NINL: variants seen among roughly 807,000 people sequenced by gnomAD.
NINL encodes the protein ninein like.
NINL carries 153 observed loss-of-function variants against 160.3 expected under a neutral mutation model. The ratio of observed to expected loss-of-function variants is 0.95; its 90% CI spans 0.84 to 1.09. The LOEUF is 1.09. Among genes scored for constraint, NINL ranks in the 50% least tolerant of loss-of-function variants. The pLI is 0.00. For synonymous variants in NINL, 800 were observed against 734.8 expected (o/e 1.09, Z -1.43); for missense variants, 1,829 against 1,764.0 (o/e 1.04, Z -0.66).
intron 13 of NINL, among the ~76,000 whole-genome samples, chr20:25,482,581 C>A (rs1381861487): frequency 6.6e-6 from 1 of 151,802 alleles, no homozygotes; most frequent in Non-Finnish European, 1.5e-5. Flanking sequence ...GAACTCCTGG[C>A]CTCAAGTGAT....
At chr20:25,531,352 C>T (rs529095738) in intron 1 of NINL, among the ~76,000 whole-genome samples, 4 of 152,234 alleles carry the variant, frequency 2.6e-5, no homozygotes, top group East Asian at 1.9e-4. Context: ...GCGACATACA[C>T]CCTCCTCAGC....
chr20:25,505,068 C>A lies in NINL; in HGVS notation c.528G>T (p.Gln176His). The A allele has an allele frequency of 6.3e-7, 1 of 1,591,762 alleles. No homozygotes were observed. The highest frequency in any genetic ancestry group is 8.6e-7 in the Non-Finnish European group (1 of 1,168,196). The change falls in exon 6 of 24, where the codon CAG becomes CAT. Residue 176 changes from glutamine to histidine, a missense_variant. Transcript: ENST00000278886. ...NELFEAQGQLQTWDSEDFGSP... is the reference protein window; with the variant it reads ...NELFEAQGQLHTWDSEDFGSP... ...TCCCAAAGTCCTCAGAATCCCAGGT[C>A]TGCAGCTGTCCTGAAGCAAGGGAGG...
At position 25,517,869 on chromosome 20, in the gene NINL, G is replaced by C; in HGVS notation, c.181-20C>G. 3 of 1,523,964 alleles carry C rather than the reference G, an allele frequency of 2.0e-6. No homozygotes were observed. In the South Asian group the frequency reaches 3.6e-5, roughly 18 times the overall value. The allele number at this position is 1,523,964 out of a possible 1,614,324, so 94.4% of individuals were successfully genotyped here. The stretch of plus-strand genomic sequence containing the variant: ...GTTAACCTGGGTGAATTGAAGGTGA[G>C]AGAGGACAATGTCACTTTCAACAGA... On this transcript the variant is annotated intron_variant, in intron 2 of 23. Transcript: ENST00000278886.
rs542205669 is a variant in NINL at position 25,585,444 on chromosome 20, G to C, written c.-12+11C>G. 2.1e-3 allele frequency: 323 copies of C among 152,282 alleles called. 1 individual carries two copies. Among genetic ancestry groups the C allele is most frequent in the African/African-American group, 7.1e-3 (293 of 41,540 alleles). 9.4% of individuals were successfully genotyped at this position (152,282 alleles called of 1,614,324 possible). On this transcript the variant is annotated intron_variant, in intron 1 of 23. Transcript: ENST00000278886. ...GCCTGAATGTCCCGCCGGACGCCCG[G>C]GCCGGCTCACCTGGGAGGCGCCTCC...
At chr20:25,560,342 G>C (rs1197049407) in intron 1 of NINL, among the ~76,000 whole-genome samples, 1 of 152,182 alleles carries the variant, frequency 6.6e-6, no homozygotes, top group Non-Finnish European at 1.5e-5. Context: ...TATAATGAGG[G>C]GGAGTAACTA....
At chr20:25,467,126 G>T (rs1035959442) in intron 19 of NINL, among the ~76,000 whole-genome samples, 2 of 152,194 alleles carry the variant, frequency 1.3e-5, no homozygotes, top group South Asian at 4.1e-4. Context: ...AAGGGACCCT[G>T]CAGGGGATGC....
chr20:25,497,690 G>A (rs1012052145), intron 9 of NINL, among the ~76,000 whole-genome samples: 2 of 152,226 alleles, frequency 1.3e-5, no homozygotes, highest in African/African-American at 2.4e-5. Context: ...TTGTGACCAC[G>A]TTTGAAAAGC....
intron 1 of NINL, among the ~76,000 whole-genome samples, chr20:25,538,312 C>A (rs1237242868): frequency 1.3e-5 from 2 of 152,162 alleles, no homozygotes; most frequent in Non-Finnish European, 2.9e-5. Context: ...GGCCTGTGGT[C>A]CTATGAAAAG....
At chr20:25,578,111 C>T (rs922998856) in intron 1 of NINL, among the ~76,000 whole-genome samples, 207 of 150,102 alleles carry the variant, frequency 1.4e-3, no homozygotes, top group African/African-American at 4.9e-3. Flanking sequence ...GGATTACAGG[C>T]GTGATTTTTT....
intron 7 of NINL, among the ~76,000 whole-genome samples, chr20:25,502,837 G>A (rs2063894120): frequency 6.6e-6 from 1 of 152,198 alleles, no homozygotes; most frequent in South Asian, 2.1e-4. Flanking sequence ...CTCCCCAGAA[G>A]CAGCCGAGCA....
In NINL at chr20:25,498,350, G is replaced by A; in HGVS notation, c.1033-4C>T. ...CGTCCACGCTGAAGTCCAGGCTCTG[G>A]AAGCAGCAAGCCTGGTAAGCAGGAG... On this transcript the variant is annotated splice_polypyrimidine_tract_variant and splice_region_variant and intron_variant, in intron 8 of 23. Coordinates refer to ENST00000278886, the MANE Select transcript of NINL (RefSeq NM_025176.6). The A allele has an allele frequency of 6.2e-7, 1 of 1,612,346 alleles. No homozygotes were observed. The highest frequency in any genetic ancestry group is 8.5e-7 in the Non-Finnish European group (1 of 1,179,966).
At chr20:25,518,242 G>A (rs1013474567) in intron 2 of NINL, among the ~76,000 whole-genome samples, 6 of 152,120 alleles carry the variant, frequency 3.9e-5, no homozygotes, top group African/African-American at 1.4e-4. Flanking sequence ...GACTTTTATG[G>A]TGACAGCTTC....
chr20:25,504,220 C>T, intron 6 of NINL, 116 bp from the exon 7 acceptor site: 1 of 1,089,154 alleles, frequency 9.2e-7, no homozygotes, highest in Non-Finnish European at 1.3e-6. Context: ...GGGCCGTTTC[C>T]TAGTCTTATC....
At chr20:25,505,340 G>C (rs186991052) in intron 5 of NINL, among the ~76,000 whole-genome samples, 1,610 of 142,714 alleles carry the variant, frequency 0.011, 16 homozygotes, top group South Asian at 0.052. Context: ...GCTGGTTGGG[G>C]GGGGGTCACT....
intron 18 of NINL, among the ~76,000 whole-genome samples, chr20:25,468,685 CCT>C (rs1266996714): frequency 2.1e-5 from 3 of 144,258 alleles, no homozygotes. Flanking sequence ...TGCCCTGTCC[CCT>C]GTCACTGGTG....
At chr20:25,503,507 G>A (rs1413002328) in intron 7 of NINL, among the ~76,000 whole-genome samples, 1 of 145,790 alleles carries the variant, frequency 6.9e-6, no homozygotes, top group Non-Finnish European at 1.5e-5. Flanking sequence ...GGGCACCTGA[G>A]CAGCACGTTC....
chr20:25,490,368 G>A (rs1402696919), intron 11 of NINL, among the ~76,000 whole-genome samples: 2 of 152,168 alleles, frequency 1.3e-5, no homozygotes, highest in African/African-American at 2.4e-5. Flanking sequence ...AGACCATCCT[G>A]GCTAACATGG....
intron 5 of NINL, among the ~76,000 whole-genome samples, chr20:25,510,287 G>A (rs1443542268): frequency 6.6e-5 from 10 of 152,254 alleles, no homozygotes; most frequent in Non-Finnish European, 1.5e-4. Context: ...CTAGCCCAGC[G>A]TGCCAGGAAG....
chr20:25,548,622 C>T (rs2064763977), intron 1 of NINL, among the ~76,000 whole-genome samples: 2 of 148,688 alleles, frequency 1.3e-5, no homozygotes, highest in South Asian at 2.2e-4. Context: ...CGAGCACCTA[C>T]GGCCACACGT....
Sources: gnomAD v4.1 joint callset for allele counts (sites outside exome capture counted in the v4.1 genomes callset) on GRCh38, gnomAD v4.1.1 for gene constraint, MANE v1.5 for transcripts, NCBI Gene and HGNC (gene_info 2026-07-23, HGNC 2026-07-21) for gene names.